AHNAK2: variants seen among roughly 807,000 people sequenced by gnomAD.
AHNAK2 encodes AHNAK nucleoprotein 2, also known as protein AHNAK2.
A neutral mutation model predicts 30.7 loss-of-function variants in AHNAK2; 18 were observed. The ratio of observed to expected loss-of-function variants is 0.59; its 90% confidence interval spans 0.41 to 0.87. AHNAK2 has a LOEUF of 0.87. AHNAK2 is among the 40% of genes least tolerant of loss of function. The probability of loss-of-function intolerance (pLI) is 0.00; values close to 1 mark genes in which losing one functional copy is unlikely to be tolerated. For missense variants in AHNAK2, 8,604 were observed against 7,373.0 expected (o/e 1.17, Z -6.11); for synonymous variants, 3,590 against 3,073.8 (o/e 1.17, Z -5.56).
In AHNAK2 at chr14:104,938,466, C is replaced by T. The variant is rs368351553; in HGVS notation, c.16985G>A (p.Gly5662Asp). The T allele has an allele frequency of 2.5e-6, 4 of 1,613,910 alleles. No individual in the cohort carries two copies. The highest frequency in any genetic ancestry group is 3.4e-6 in the Non-Finnish European group (4 of 1,179,870). Reference protein sequence around the residue: ...IGFSSSVDETGVDSKNDVQRS... With the variant: ...IGFSSSVDETDVDSKNDVQRS... ...CTGGACGTCATTTTTGGAATCAACA[C>T]CTGTCTCATCAACAGAAGAGGAAAA... is the stretch of plus-strand genomic sequence containing the variant. Residue 5662 changes from glycine (G) to aspartate (D), a missense_variant, in exon 7 of 7, where the codon GGT (glycine) becomes GAT (aspartate). Physicochemically the swap from Gly to Asp is moderately conservative, Grantham distance 94. Coordinates refer to ENST00000333244, the MANE Select transcript of AHNAK2 (RefSeq NM_138420.4).
chr14:104,941,010 G>A lies in AHNAK2; in HGVS notation c.14441C>T (p.Ser4814Phe), dbSNP rs1897963825. 16 of 1,613,372 alleles carry A rather than the reference G, an allele frequency of 9.9e-6. No homozygotes were observed. The highest frequency in any genetic ancestry group is 1.3e-5 in the Non-Finnish European group (15 of 1,179,900). ...AAGAGGAATATCAGCCTGAGACCCA[G>A]AAGGAATTTCCAGAGCAAGCTCAGG... Reference protein sequence around the residue: ...LAPELALEIPSGSQADIPLPK... With the variant: ...LAPELALEIPFGSQADIPLPK... The change falls in exon 7 of 7, where the codon TCT becomes TTT. Residue 4814 changes from serine (S) to phenylalanine (F), a missense_variant. By Grantham distance (155) the Ser-to-Phe change is radical. Transcript: ENST00000333244.
Position 104,944,910 on chromosome 14 carries a change from C to T in AHNAK2, c.10541G>A (p.Gly3514Glu), listed in dbSNP as rs776836654. The part of the protein sequence containing the change: ...EADVSLSSMQ[G>E]DLKATDLSIQ... ...GCTGAGGTCAGTGGCCTTGAGGTCC[C>T]CCTGCATGGAGGAGAGGCTCACGTC... The change falls in exon 7 of 7, where the codon GGG becomes GAG. Residue 3514 changes from glycine (G) to glutamate (E), a missense_variant. Gly to Glu is a moderately conservative substitution (Grantham distance 98, BLOSUM62 -2). Transcript: ENST00000333244. The T allele has an allele frequency of 1.9e-6, 3 of 1,613,172 alleles. No individual in the cohort carries two copies. The highest frequency in any genetic ancestry group is 2.5e-6 in the Non-Finnish European group (3 of 1,179,626).
In AHNAK2 at chr14:104,953,542, C is replaced by CT; in HGVS notation, c.1908dup (p.Glu637ArgfsTer4). The CT allele has an allele frequency of 6.2e-7, 1 of 1,613,922 alleles. No homozygotes were observed. The highest frequency in any genetic ancestry group is 8.5e-7 in the Non-Finnish European group (1 of 1,179,824). ...GTGTTTGTCATTGAGTCACTGTCTT[C>CT]TTTGTCTTTTAATCCTTCCTCTGTG... is the stretch of plus-strand genomic sequence containing the variant. On this transcript the variant is annotated frameshift_variant, in exon 7 of 7. Coordinates refer to ENST00000333244, the MANE Select transcript of AHNAK2 (RefSeq NM_138420.4). LOFTEE classifies it low-confidence loss of function (END_TRUNC).
chr14:104,961,492 G>A lies in AHNAK2; in HGVS notation c.56-3820C>T, dbSNP rs572307973. Among the ~76,000 whole-genome samples the A allele has an allele frequency of 5.4e-3, 813 of 150,820 alleles. 5 individuals are homozygous for A. Among genetic ancestry groups the A allele is most frequent in the Non-Finnish European group, 9.1e-3 (619 of 67,928 alleles). ...ATCGCGTCACTGCACTCCAGCCTGG[G>A]TGACAGCGAGACCCCATCTTAAAAA... On this transcript the variant is annotated intron_variant, in intron 1 of 6. Coordinates refer to ENST00000333244, the MANE Select transcript of AHNAK2 (RefSeq NM_138420.4).
chr14:104,944,019 G>A lies in AHNAK2; in HGVS notation c.11432C>T (p.Pro3811Leu), dbSNP rs1276473304. ...GCCTGGGGCAGACACCCCAAATGAC[G>A]GCATCTTGAACTTGGGCATTTTGAA... ...SKFKMPKFKM[P>L]SFGVSAPGKS... is the part of the protein sequence containing the mutation. Residue 3811 changes from proline to leucine, a missense_variant, in exon 7 of 7, where the codon CCG becomes CTG. By Grantham distance (98) the Pro-to-Leu change is moderately conservative. Transcript: ENST00000333244. 1.3e-5 allele frequency: 21 copies of A among 1,612,638 alleles called. No individual in the cohort carries two copies. The highest frequency in any genetic ancestry group is 6.6e-5 in the South Asian group (6 of 91,022).
At position 104,942,212 on chromosome 14, in the gene AHNAK2, G is replaced by A. The variant is rs1595391806; in HGVS notation, c.13239C>T (p.Pro4413=). 6.2e-7 allele frequency: 1 copy of A among 1,611,726 alleles called. No homozygotes were observed. The highest frequency in any genetic ancestry group is 1.1e-5 in the South Asian group (1 of 90,926). The part of the protein sequence containing the change: ...VNVPKLDLKG[P]KVEVTSPNLD... ...GGTTGGGGGACGTCACCTCCACCTT[G>A]GGGCCTTTCAGGTCCAGCTTGGGGA... Residue 4413 remains proline, a synonymous_variant, in exon 7 of 7, where the codon CCC becomes CCT. Transcript: ENST00000333244.
rs374514016 is a variant in AHNAK2 at position 104,951,866 on chromosome 14, G to A, written c.3585C>T (p.Ala1195=). The A allele has an allele frequency of 2.8e-3, 4,514 of 1,605,790 alleles. 110 individuals are homozygous for A. The highest frequency in any genetic ancestry group is 0.015 in the African/African-American group (1,126 of 73,134). ...CCTGCATGGAGGGGAGACTCACGTC[G>A]GCCTCCACTTTGGGTGCAGACACAT... The part of the protein sequence containing the change: ...SVDVSAPKVE[A]DVSLPSMQGD... The change falls in exon 7 of 7, where the codon GCC becomes GCT. Residue 1195 remains alanine, a synonymous_variant. Coordinates refer to ENST00000333244, the MANE Select transcript of AHNAK2 (RefSeq NM_138420.4).
In AHNAK2 at chr14:104,941,653, C is replaced by T. The variant is rs748247282; in HGVS notation, c.13798G>A (p.Ala4600Thr). 1.2e-6 allele frequency: 2 copies of T among 1,613,606 alleles called. No homozygotes were observed. The highest frequency in any genetic ancestry group is 1.7e-5 in the Admixed American group (1 of 60,018). Residue 4600 changes from alanine to threonine, a missense_variant, in exon 7 of 7, where the codon GCC becomes ACC. By Grantham distance (58) the Ala-to-Thr change is moderately conservative (BLOSUM62 0). Coordinates refer to ENST00000333244, the MANE Select transcript of AHNAK2 (RefSeq NM_138420.4). ...SLPSVETDVQ[A>T]PGSMLDGARL... Reference sequence around the variant, plus strand: ...GCACCATCCAGCATGGATCCTGGGGCCTGGACATCCGTCTCCACGCTGGGC... The same window carrying T: ...GCACCATCCAGCATGGATCCTGGGGTCTGGACATCCGTCTCCACGCTGGGC...
Position 104,946,756 on chromosome 14 carries a change from C to T in AHNAK2, c.8695G>A (p.Val2899Met), listed in dbSNP as rs751143580. 6.3e-7 allele frequency: 1 copy of T among 1,599,842 alleles called. No homozygotes were observed. The highest frequency in any genetic ancestry group is 1.4e-5 in the African/African-American group (1 of 71,672). Residue 2899 changes from valine (V) to methionine (M), a missense_variant, in exon 7 of 7, where the codon GTG becomes ATG. Coordinates refer to ENST00000333244, the MANE Select transcript of AHNAK2 (RefSeq NM_138420.4). The part of the protein sequence containing the change: ...GAGLKGHLPK[V>M]QMPSFKMPKV... ...GGCATCTTGAAACTGGGCATCTGCA[C>T]CTTGGGCAGGTGCCCTTTGAGGCCG... is the stretch of plus-strand genomic sequence containing the variant.
At position 104,956,606 on chromosome 14, in the gene AHNAK2, GAAAAATGTC is replaced by G; in HGVS notation, c.288_296del (p.Thr97_Phe99del). 1 of 1,613,904 alleles carries G rather than the reference GAAAAATGTC, an allele frequency of 6.2e-7. No homozygotes were observed. ...TACCCACCTCTGGACGACTCATCCTGAAAAATGTCCGTGAGTCCCCTGAATCTCGCTTCC... is the reference window on the plus strand; with the variant it reads ...TACCCACCTCTGGACGACTCATCCTGCGTGAGTCCCCTGAATCTCGCTTCC... On this transcript the variant is annotated inframe_deletion, in exon 4 of 7. Coordinates refer to ENST00000333244, the MANE Select transcript of AHNAK2 (RefSeq NM_138420.4).
chr14:104,946,175 G>C lies in AHNAK2; in HGVS notation c.9276C>G (p.Gly3092=), dbSNP rs1428814937. The C allele has an allele frequency of 7.4e-6, 12 of 1,611,162 alleles. No individual in the cohort carries two copies. In the Admixed American group the frequency reaches 1.8e-4, roughly 25 times the overall value. ...CGGGGGCCGTCACGTCCGTCTTCGGGCCTTTCAGGTCCAGCTTGGGGCCCT... is the reference window on the plus strand; with the variant it reads ...CGGGGGCCGTCACGTCCGTCTTCGGCCCTTTCAGGTCCAGCTTGGGGCCCT... ...DVKGPKLDLK[G]PKTDVTAPDV... is the part of the protein sequence containing the mutation. Residue 3092 remains glycine, a synonymous_variant, in exon 7 of 7, where the codon GGC becomes GGG. Coordinates refer to ENST00000333244, the MANE Select transcript of AHNAK2 (RefSeq NM_138420.4).
rs754415298 is a variant in AHNAK2, at chr14:104,941,926, T to C, written c.13525A>G (p.Thr4509Ala). 5.6e-6 allele frequency: 9 copies of C among 1,613,236 alleles called. No homozygotes were observed. The highest frequency in any genetic ancestry group is 1.6e-4 in the Middle Eastern group (1 of 6,078). Reference sequence around the variant, plus strand: ...GAAGGGGCCTGAATGCGGAGGTCAGTGGTCTTGAGGTCCCCCTGCATGGAG... The same window carrying C: ...GAAGGGGCCTGAATGCGGAGGTCAGCGGTCTTGAGGTCCCCCTGCATGGAG... ...IPSMQGDLKT[T>A]DLRIQAPSAD... is the part of the protein sequence containing the mutation. Residue 4509 changes from threonine (T) to alanine (A), a missense_variant, in exon 7 of 7, where the codon ACT (threonine) becomes GCT (alanine). Transcript: ENST00000333244.
rs775069404 is a variant in AHNAK2 at position 104,949,970 on chromosome 14, C to G, written c.5481G>C (p.Lys1827Asn). ...TAKDSKFKMPKFKMPSFGVSA... is the reference protein window; with the variant it reads ...TAKDSKFKMPNFKMPSFGVSA... ...ACACCCCGAACGACGGCATCTTGAA[C>G]TTGGGCATTTTGAACTTGCTGTCTT... Residue 1827 changes from lysine to asparagine, a missense_variant, in exon 7 of 7, where the codon AAG (lysine) becomes AAC (asparagine). Lys to Asn is a moderately conservative substitution (Grantham distance 94). Coordinates refer to ENST00000333244, the MANE Select transcript of AHNAK2 (RefSeq NM_138420.4). 1.5e-5 allele frequency: 24 copies of G among 1,585,412 alleles called. 3 individuals are homozygous for G. Among genetic ancestry groups the G allele is most frequent in the East Asian group, 2.2e-5 (1 of 44,510 alleles).
chr14:104,965,565 C>T (rs1899280027), intron 1 of AHNAK2, among the ~76,000 whole-genome samples: 1 of 152,222 alleles, frequency 6.6e-6, no homozygotes, highest in Non-Finnish European at 1.5e-5. Flanking sequence ...GGCGCCCTGG[C>T]CTGGGCTCCA....
Position 104,938,236 on chromosome 14 carries a change from T to C in AHNAK2, c.17215A>G (p.Ser5739Gly), listed in dbSNP as rs1040246375. 5.6e-6 allele frequency: 9 copies of C among 1,613,772 alleles called. No individual in the cohort carries two copies. Among genetic ancestry groups the C allele is most frequent in the African/African-American group, 2.7e-5 (2 of 74,938 alleles). The change falls in exon 7 of 7, where the codon AGT becomes GGT. Residue 5739 changes from serine to glycine, a missense_variant. Coordinates refer to ENST00000333244, the MANE Select transcript of AHNAK2 (RefSeq NM_138420.4). ...ETITFFDARE[S>G]FSPEEKEEGE... ...TCTTCCTTCTCTTCAGGGGAGAAAC[T>C]TTCTCGGGCATCAAAAAACGTGATT... is the stretch of plus-strand genomic sequence containing the variant.
At chr14:104,974,467 G>A (rs867431078) in intron 1 of AHNAK2, among the ~76,000 whole-genome samples, 1 of 152,202 alleles carries the variant, frequency 6.6e-6, no homozygotes, top group Non-Finnish European at 1.5e-5. Context: ...CCCTGACTTC[G>A]CCCTCAGCCT....
chr14:104,949,404 G>C lies in AHNAK2; in HGVS notation c.6047C>G (p.Pro2016Arg). 1 of 1,582,094 alleles carries C rather than the reference G, an allele frequency of 6.3e-7. No homozygotes were observed. Among genetic ancestry groups the C allele is most frequent in the East Asian group, 2.2e-5 (1 of 44,636 alleles). ...GAGACTCACGTCGGCCTCCACCTTG[G>C]GTGCAGGCACATCCACCGAGGCCTC... is the stretch of plus-strand genomic sequence containing the variant. ...SIEASVDVPAPKVEADVSLPS... is the reference protein window; with the variant it reads ...SIEASVDVPARKVEADVSLPS... Residue 2016 changes from proline (P) to arginine (R), a missense_variant, in exon 7 of 7, where the codon CCC becomes CGC. By Grantham distance (103) the Pro-to-Arg change is moderately radical. Coordinates refer to ENST00000333244, the MANE Select transcript of AHNAK2 (RefSeq NM_138420.4).
rs774851253 is a variant in AHNAK2, at chr14:104,948,139, T to C, written c.7312A>G (p.Met2438Val). ...TGAGACACCTCCACGTCGGGGGCCA[T>C]CACGTCCGTCTTGGGGCCTTTCAGG... is the stretch of plus-strand genomic sequence containing the variant. The part of the protein sequence containing the change: ...LDLKGPKTDV[M>V]APDVEVSQPS... Residue 2438 changes from methionine to valine, a missense_variant, in exon 7 of 7, where the codon ATG becomes GTG. By Grantham distance (21) the Met-to-Val change is conservative. Coordinates refer to ENST00000333244, the MANE Select transcript of AHNAK2 (RefSeq NM_138420.4). 3 of 1,612,080 alleles carry C rather than the reference T, an allele frequency of 1.9e-6. 1 individual carries two copies. Among genetic ancestry groups the C allele is most frequent in the South Asian group, 2.2e-5 (2 of 91,000 alleles).
rs769225085 is a variant in AHNAK2 at position 104,943,735 on chromosome 14, T to G, written c.11716A>C (p.Ile3906Leu). 1.2e-6 allele frequency: 2 copies of G among 1,611,082 alleles called. No individual in the cohort carries two copies. The highest frequency in any genetic ancestry group is 1.7e-6 in the Non-Finnish European group (2 of 1,178,890). Residue 3906 changes from isoleucine (I) to leucine (L), a missense_variant, in exon 7 of 7, where the codon ATA becomes CTA. Ile to Leu is a conservative substitution (Grantham distance 5, BLOSUM62 2). Transcript: ENST00000333244. Reference sequence around the variant, plus strand: ...TCCAGCTTGGGGCCCTTGATGTCTATTTCAGGGCCCTTGAGGTCGACTTTG... The same window carrying G: ...TCCAGCTTGGGGCCCTTGATGTCTAGTTCAGGGCCCTTGAGGTCGACTTTG... ...MPKVDLKGPEIDIKGPKLDLK... is the reference protein window; with the variant it reads ...MPKVDLKGPELDIKGPKLDLK...
Sources: gnomAD v4.1 joint callset for allele counts (sites outside exome capture counted in the v4.1 genomes callset) on GRCh38, gnomAD v4.1.1 for gene constraint, MANE v1.5 for transcripts, NCBI Gene and HGNC (gene_info 2026-07-23, HGNC 2026-07-21) for gene names.